NTM: variants seen among roughly 807,000 people sequenced by gnomAD.
NTM encodes IgLON family member 2.
NTM carries 13 observed loss-of-function variants against 42.1 expected under a neutral mutation model. The observed-to-expected ratio is 0.31, with a 90% CI of 0.20 to 0.49. NTM has a LOEUF of 0.49. Among genes scored for constraint, NTM ranks in the 20% least tolerant of loss-of-function variants. The probability of loss-of-function intolerance (pLI) is 0.99; values close to 1 mark genes in which losing one functional copy is unlikely to be tolerated. For missense variants in NTM, 373 were observed against 452.8 expected (o/e 0.82, Z 1.60); for synonymous variants, 187 against 179.2 (o/e 1.04, Z -0.35).
chr11:131,769,673 G>A (rs947695262), intron 1 of NTM: 1 of 619,740 alleles, frequency 1.6e-6, no homozygotes, highest in African/African-American at 2.0e-5. Context: ...AGGCAACCGG[G>A]AGATTCAGAG....
chr11:131,781,742 A>T (rs1400909710), intron 1 of NTM, among the ~76,000 whole-genome samples: 1 of 152,232 alleles, frequency 6.6e-6, no homozygotes, highest in Non-Finnish European at 1.5e-5. Context: ...GTCAATGAAG[A>T]CAGTGATCCT....
chr11:131,383,767 A>G (rs1423862666), intron 1 of NTM, among the ~76,000 whole-genome samples: 1 of 152,200 alleles, frequency 6.6e-6, no homozygotes, highest in East Asian at 1.9e-4. Flanking sequence ...TTGCAGTTGT[A>G]GTGGCCAAAC....
At chr11:131,884,979 A>G (rs2050156358) in intron 1 of NTM, among the ~76,000 whole-genome samples, 1 of 152,210 alleles carries the variant, frequency 6.6e-6, no homozygotes. Flanking sequence ...TTGCAGAGCA[A>G]GAGCCCAGCA....
At chr11:132,160,972 A>C (rs1213822585) in intron 3 of NTM, among the ~76,000 whole-genome samples, 1 of 152,178 alleles carries the variant, frequency 6.6e-6, no homozygotes, top group Admixed American at 6.5e-5. Context: ...GATATTTCTT[A>C]AGGGCAGAAG....
chr11:132,310,200 A>G lies in NTM; in HGVS notation c.750A>G (p.Ser250=), dbSNP rs756121395. ...TLQCEASAVP[S]AEFQWYKDDK... ...AGTGTGAAGCCTCAGCAGTCCCCTCAGCAGAATTCCAGTGGTACAAGGATG... is the reference window on the plus strand; with the variant it reads ...AGTGTGAAGCCTCAGCAGTCCCCTCGGCAGAATTCCAGTGGTACAAGGATG... The change falls in exon 6 of 9, where the codon TCA becomes TCG. Residue 250 remains serine, a synonymous_variant. Coordinates refer to ENST00000683400, the MANE Select transcript of NTM (RefSeq NM_001352005.2). The G allele has an allele frequency of 1.2e-6, 2 of 1,610,678 alleles. No homozygotes were observed. Among genetic ancestry groups the G allele is most frequent in the African/African-American group, 2.7e-5 (2 of 74,644 alleles).
rs1196103487 is a variant in NTM at position 132,330,194 on chromosome 11, A to G, written c.967+9A>G. The G allele has an allele frequency of 1.3e-6, 2 of 1,551,304 alleles. No homozygotes were observed. The highest frequency in any genetic ancestry group is 1.7e-6 in the Non-Finnish European group (2 of 1,146,768). ...CCTGACCCCTTGGAAAGGTTTGTAT[A>G]TTTTTCAGACAGCTGCTGCCTTGGT... On this transcript the variant is annotated intron_variant, in intron 8 of 8. Transcript: ENST00000683400.
At chr11:132,221,552 T>C (rs929047710) in intron 4 of NTM, among the ~76,000 whole-genome samples, 4 of 152,076 alleles carry the variant, frequency 2.6e-5, no homozygotes, top group Non-Finnish European at 5.9e-5. Context: ...GGGCAGTCTC[T>C]GGACCATTGC....
intron 1 of NTM, among the ~76,000 whole-genome samples, chr11:131,848,147 T>C (rs2045136797): frequency 6.6e-6 from 1 of 152,214 alleles, no homozygotes; most frequent in South Asian, 2.1e-4. Flanking sequence ...AGTTCAGATA[T>C]AAAGTTGGTA....
At chr11:131,925,376 CTTTT>C (rs1464944479) in intron 2 of NTM, among the ~76,000 whole-genome samples, 1 of 129,610 alleles carries the variant, frequency 7.7e-6, no homozygotes, top group African/African-American at 2.9e-5. Flanking sequence ...TTTTTTCTTT[CTTTT>C]CTCTTTTTTT....
intron 6 of NTM, among the ~76,000 whole-genome samples, chr11:132,314,345 C>CACAT (rs974137398): frequency 2.0e-5 from 3 of 152,180 alleles, no homozygotes. Context: ...TGCCCCTGGG[C>CACAT]ACATGTGTGA....
intron 2 of NTM, among the ~76,000 whole-genome samples, chr11:131,956,878 C>T (rs1385354809): frequency 6.6e-6 from 1 of 152,080 alleles, no homozygotes; most frequent in Non-Finnish European, 1.5e-5. Flanking sequence ...GGACTGGAAG[C>T]AAAACTCTCC....
chr11:131,437,608 T>C (rs1416032308), intron 1 of NTM, among the ~76,000 whole-genome samples: 2 of 152,182 alleles, frequency 1.3e-5, no homozygotes, highest in South Asian at 2.1e-4. Context: ...GATTGCAACC[T>C]CTGCTTTTTA....
intron 1 of NTM, among the ~76,000 whole-genome samples, chr11:131,892,260 G>A (rs370652368): frequency 6.6e-5 from 10 of 152,300 alleles, no homozygotes; most frequent in African/African-American, 2.4e-4. Flanking sequence ...GTAGCTGGGT[G>A]AGAATTACAT....
In NTM at chr11:131,993,330, C is replaced by T. The variant is rs117999694; in HGVS notation, c.167+81682C>T. On this transcript the variant is annotated intron_variant, in intron 2 of 8. Coordinates refer to ENST00000683400, the MANE Select transcript of NTM (RefSeq NM_001352005.2). The stretch of plus-strand genomic sequence containing the variant: ...TATCGGGAAGGTGGAGTAGGCAGTT[C>T]GTTGTCATCAGTTGTATCTGAAGGA... Among the ~76,000 whole-genome samples, 149 of 152,110 alleles carry T rather than the reference C, an allele frequency of 9.8e-4. No homozygotes were observed. In the East Asian group the frequency reaches 0.021, roughly 22 times the overall value.
chr11:131,777,438 C>G (rs1527782), intron 1 of NTM, among the ~76,000 whole-genome samples: 1 of 98,914 alleles, frequency 1.0e-5, no homozygotes, highest in African/African-American at 4.0e-5. Flanking sequence ...AGTACATCCC[C>G]CCCACCCCCC....
intron 7 of NTM, among the ~76,000 whole-genome samples, chr11:132,329,127 G>A (rs1241497470): frequency 6.6e-6 from 1 of 152,156 alleles, no homozygotes; most frequent in African/African-American, 2.4e-5. Context: ...TTGAGCAAAT[G>A]TTTTAGTTGC....
rs1431281429 is a variant in NTM, at chr11:132,012,305, ATAAAGT to A, written c.167+100661_167+100666del. Reference sequence around the variant, plus strand: ...ATGCAATTTTATTACTTTCAAGAACATAAAGTTAATTAATGGCTAACAAAATGTTAT... The same window carrying A: ...ATGCAATTTTATTACTTTCAAGAACATAATTAATGGCTAACAAAATGTTAT... On this transcript the variant is annotated intron_variant, in intron 2 of 8. Transcript: ENST00000683400. 2.6e-5 allele frequency among the ~76,000 whole-genome samples: 4 copies of A among 152,338 alleles called. No individual in the cohort carries two copies. The East Asian group carries it at 5.8e-4, about 22-fold the overall frequency.
chr11:132,197,547 G>A (rs2080449881), intron 3 of NTM, among the ~76,000 whole-genome samples: 4 of 151,346 alleles, frequency 2.6e-5, no homozygotes, highest in Admixed American at 2.0e-4. Context: ...TGTGCACAAC[G>A]TGCAGGTTTG....
intron 1 of NTM, among the ~76,000 whole-genome samples, chr11:131,493,111 C>A (rs1348689983): frequency 6.6e-6 from 1 of 152,000 alleles, no homozygotes; most frequent in Non-Finnish European, 1.5e-5. Flanking sequence ...GTCTGTAGTC[C>A]CTAGGCTGGG....
Sources: gnomAD v4.1 joint callset for allele counts (sites outside exome capture counted in the v4.1 genomes callset) on GRCh38, gnomAD v4.1.1 for gene constraint, MANE v1.5 for transcripts, NCBI Gene and HGNC (gene_info 2026-07-23, HGNC 2026-07-21) for gene names.